Variants in AUH observed in about 807,000 individuals in gnomAD.
AUH encodes the protein AU RNA binding methylglutaconyl-CoA hydratase.
Under a neutral mutation model 42.3 loss-of-function variants are expected in AUH, and 29 were observed. That is an observed-to-expected ratio of 0.69 (90% confidence interval 0.51 to 0.93). The LOEUF (loss-of-function observed/expected upper bound fraction) is 0.93. AUH is among the 40% of genes least tolerant of loss of function. The pLI, the probability that AUH is intolerant of heterozygous loss-of-function variation, is 0.00. For missense variants in AUH, 452 were observed against 438.1 expected (o/e 1.03, Z -0.28); for synonymous variants, 174 against 166.4 (o/e 1.05, Z -0.35).
At chr9:91,318,898 C>T (rs1288747507) in intron 4 of AUH, among the ~76,000 whole-genome samples, 2 of 152,152 alleles carry the variant, frequency 1.3e-5, no homozygotes, top group Non-Finnish European at 2.9e-5. Context: ...TAATAAAATT[C>T]ACACTCTTTA....
At chr9:91,312,648 C>T (rs1017682665) in intron 4 of AUH, among the ~76,000 whole-genome samples, 5 of 152,302 alleles carry the variant, frequency 3.3e-5, no homozygotes, top group East Asian at 3.9e-4. Flanking sequence ...ATTACTTGAA[C>T]GCAAGAGGTG....
chr9:91,261,741 C>CT (rs1402158858), intron 6 of AUH, among the ~76,000 whole-genome samples: 1 of 152,164 alleles, frequency 6.6e-6, no homozygotes, highest in Non-Finnish European at 1.5e-5. Flanking sequence ...TAGGACTTCC[C>CT]TTAGTAGATT....
At chr9:91,236,676 G>T (rs1388708406) in intron 6 of AUH, among the ~76,000 whole-genome samples, 1 of 152,094 alleles carries the variant, frequency 6.6e-6, no homozygotes, top group Non-Finnish European at 1.5e-5. Flanking sequence ...TGGGGTGACT[G>T]GGCTGAATGG....
intron 3 of AUH, chr9:91,342,664 A>C (rs929808684): frequency 2.6e-5 from 4 of 152,226 alleles, no homozygotes; most frequent in African/African-American, 9.7e-5. Flanking sequence ...CTTTTTAAAA[A>C]ATGGAATTAG....
At chr9:91,269,817 G>A (rs567051582) in intron 6 of AUH, among the ~76,000 whole-genome samples, 35 of 152,210 alleles carry the variant, frequency 2.3e-4, no homozygotes, top group Non-Finnish European at 3.8e-4. Context: ...TCTGGGAAAC[G>A]TTCCTAAAAT....
At chr9:91,334,035 C>T (rs16907394) in intron 3 of AUH, among the ~76,000 whole-genome samples, 32,430 of 151,946 alleles carry the variant, frequency 0.21, 3,660 homozygotes, top group East Asian at 0.35. Flanking sequence ...ATTAGACAGA[C>T]CCTTTATGTA....
intron 3 of AUH, among the ~76,000 whole-genome samples, chr9:91,330,775 C>A (rs1400652363): frequency 6.6e-6 from 1 of 152,128 alleles, no homozygotes; most frequent in Non-Finnish European, 1.5e-5. Context: ...AGGCTGAATC[C>A]TGCAAATATG....
chr9:91,337,722 CT>C (rs1830797403), intron 3 of AUH, among the ~76,000 whole-genome samples: 1 of 152,138 alleles, frequency 6.6e-6, no homozygotes, highest in Non-Finnish European at 1.5e-5. Flanking sequence ...TGTGAAAATG[CT>C]TTGTTAGATG....
At chr9:91,221,729 G>A (rs1232493449) in intron 6 of AUH, among the ~76,000 whole-genome samples, 1 of 152,138 alleles carries the variant, frequency 6.6e-6, no homozygotes, top group African/African-American at 2.4e-5. Context: ...GGAAAACAGT[G>A]GGTATATTAG....
intron 6 of AUH, among the ~76,000 whole-genome samples, chr9:91,279,241 G>A (rs1055661079): frequency 6.6e-6 from 1 of 152,080 alleles, no homozygotes; most frequent in Non-Finnish European, 1.5e-5. Flanking sequence ...CACTTTACAT[G>A]TATTATCCTA....
In AUH at chr9:91,303,754, A is replaced by G. The variant is rs149370330; in HGVS notation, c.506-5678T>C. 6.6e-5 allele frequency among the ~76,000 whole-genome samples: 10 copies of G among 152,392 alleles called. No homozygotes were observed. In the East Asian group the frequency reaches 1.9e-3, roughly 29 times the overall value. ...GAAGTCTGAATACTAAAATCTTTCA[A>G]GAAGAATAGAAATAAAATCTAAGTT... On this transcript the variant is annotated intron_variant, in intron 4 of 9. Transcript: ENST00000375731.
At chr9:91,289,785 G>A (rs1192411495) in intron 6 of AUH, among the ~76,000 whole-genome samples, 1 of 152,180 alleles carries the variant, frequency 6.6e-6, no homozygotes, top group African/African-American at 2.4e-5. Flanking sequence ...TTCTGTGGAT[G>A]GAGCAGAAGA....
chr9:91,312,332 G>A (rs1013959581), intron 4 of AUH, among the ~76,000 whole-genome samples: 1 of 152,110 alleles, frequency 6.6e-6, no homozygotes, highest in Non-Finnish European at 1.5e-5. Context: ...AGGCAAGAGG[G>A]GAAAATGGTA....
At chr9:91,356,285 A>G (rs1233909893) in intron 1 of AUH, 130 bp from the exon 2 acceptor site, 1 of 768,210 alleles carries the variant, frequency 1.3e-6, no homozygotes, top group South Asian at 1.5e-5. Flanking sequence ...CGTTCCCTTC[A>G]ATCGATCTCT....
intron 6 of AUH, among the ~76,000 whole-genome samples, chr9:91,241,673 T>C (rs1202870752): frequency 6.6e-6 from 1 of 152,224 alleles, no homozygotes; most frequent in Non-Finnish European, 1.5e-5. Flanking sequence ...TAATGTTTCA[T>C]GTTTACCTTA....
chr9:91,254,981 A>G (rs988491130), intron 6 of AUH, among the ~76,000 whole-genome samples: 2 of 152,204 alleles, frequency 1.3e-5, no homozygotes, highest in Non-Finnish European at 2.9e-5. Flanking sequence ...TCAAAGGAAA[A>G]CTGAATCTGG....
At chr9:91,303,394 A>G (rs59727648) in intron 4 of AUH, among the ~76,000 whole-genome samples, 39,140 of 151,864 alleles carry the variant, frequency 0.26, 5,752 homozygotes, top group African/African-American at 0.4. Context: ...GCAGTGGCGC[A>G]ATCTCGGCTC....
intron 6 of AUH, among the ~76,000 whole-genome samples, chr9:91,247,173 G>A (rs539203134): frequency 3.3e-5 from 5 of 152,100 alleles, no homozygotes; most frequent in Non-Finnish European, 4.4e-5. Context: ...ACTCTCCTCC[G>A]TACACTGCAT....
chr9:91,354,201 A>G (rs958726863), intron 3 of AUH, among the ~76,000 whole-genome samples: 1 of 152,076 alleles, frequency 6.6e-6, no homozygotes, highest in Non-Finnish European at 1.5e-5. Flanking sequence ...AACCTTTCGG[A>G]GAAATCTGAA....
Sources: gnomAD v4.1 joint callset for allele counts (sites outside exome capture counted in the v4.1 genomes callset) on GRCh38, gnomAD v4.1.1 for gene constraint, MANE v1.5 for transcripts, NCBI Gene and HGNC (gene_info 2026-07-23, HGNC 2026-07-21) for gene names.